Variants in ITIH1 observed in about 807,000 individuals in gnomAD.
The protein encoded by ITIH1 is inter-alpha-trypsin inhibitor heavy chain 1.
A neutral mutation model predicts 104.6 loss-of-function variants in ITIH1; 94 were observed. The ratio of observed to expected loss-of-function variants is 0.90; its 90% CI spans 0.76 to 1.07. The LOEUF (loss-of-function observed/expected upper bound fraction) is 1.07, where lower values mean the gene tolerates loss of function less well. Ranked by LOEUF, ITIH1 falls within the 50% of genes least tolerant of loss-of-function variation. The pLI is 0.00. For synonymous variants in ITIH1, 455 were observed against 464.4 expected (o/e 0.98, Z 0.26); for missense variants, 1,193 against 1,181.4 (o/e 1.01, Z -0.14).
chr3:52,785,310 A>G (rs535133429), intron 12 of ITIH1, 81 bp downstream of exon 12: 494 of 1,416,338 alleles, frequency 3.5e-4, no homozygotes, highest in Non-Finnish European at 4.6e-4. Flanking sequence ...CATTCCTGCC[A>G]TCCCCCAGAG....
chr3:52,778,391 T>A lies in ITIH1; in HGVS notation c.190T>A (p.Ser64Thr). The change falls in exon 3 of 22, where the codon TCT becomes ACT. Residue 64 changes from serine to threonine, a missense_variant. Coordinates refer to ENST00000273283, the MANE Select transcript of ITIH1 (RefSeq NM_002215.4). ...RSLKVNCKVT[S>T]RFAHYVVTSQ... is the part of the protein sequence containing the mutation. ...TTTGAAAGTCAACTGCAAAGTCACC[T>A]CTCGCTTCGCCCACTATGTTGTCAC... is the stretch of plus-strand genomic sequence containing the variant. 1 of 1,614,220 alleles carries A rather than the reference T, an allele frequency of 6.2e-7. No homozygotes were observed. The highest frequency in any genetic ancestry group is 8.5e-7 in the Non-Finnish European group (1 of 1,180,028).
In ITIH1 at chr3:52,788,243, C is replaced by A; in HGVS notation, c.2017C>A (p.Pro673Thr). The A allele has an allele frequency of 6.2e-7, 1 of 1,609,508 alleles. No homozygotes were observed. The highest frequency in any genetic ancestry group is 8.5e-7 in the Non-Finnish European group (1 of 1,177,278). The change falls in exon 18 of 22, where the codon CCT becomes ACT. Residue 673 changes from proline to threonine, a missense_variant. Physicochemically the swap from Pro to Thr is conservative, Grantham distance 38. Coordinates refer to ENST00000273283, the MANE Select transcript of ITIH1 (RefSeq NM_002215.4). ...TGCTGTGCCCCCAGTGGACACAGAC[C>A]CTCACTTCATCATCCACGTGCCCCA... The part of the protein sequence containing the change: ...PDRVTGVDTD[P>T]HFIIHVPQKE...
At chr3:52,790,463 C>T in intron 19 of ITIH1, 1 of 380,362 alleles carries the variant, frequency 2.6e-6, no homozygotes, top group Non-Finnish European at 4.8e-6. Flanking sequence ...GCTGTGCTAC[C>T]TTGGGCAAGT....
intron 6 of ITIH1, among the ~76,000 whole-genome samples, chr3:52,781,197 CT>C (rs10526848): frequency 0.048 from 3,341 of 69,104 alleles, 320 homozygotes; most frequent in East Asian, 0.16. Context: ...TCCTCCTCTT[CT>C]TTTTTTTTTT....
intron 8 of ITIH1, among the ~76,000 whole-genome samples, chr3:52,782,576 G>A (rs575500290): frequency 2.1e-5 from 2 of 97,202 alleles, no homozygotes; most frequent in South Asian, 2.8e-4. Context: ...CTACAATTAC[G>A]GTGGTCCGTG....
Position 52,791,870 on chromosome 3 carries a change from G to C in ITIH1, c.2695G>C (p.Asp899His). The change falls in exon 22 of 22, where the codon GAT becomes CAT. Residue 899 changes from aspartate (D) to histidine (H), a missense_variant. Transcript: ENST00000273283. ...FIHNNGAGLI[D>H]GAYTDYIVPD... ...TCACAACAATGGGGCTGGACTCATC[G>C]ATGGTGCCTACACTGATTATATCGT... 1 of 1,614,148 alleles carries C rather than the reference G, an allele frequency of 6.2e-7. No individual in the cohort carries two copies. Among genetic ancestry groups the C allele is most frequent in the Non-Finnish European group, 8.5e-7 (1 of 1,180,016 alleles).
chr3:52,780,457 C>T (rs559479554), intron 6 of ITIH1, 75 bp downstream of exon 6: 4 of 1,011,038 alleles, frequency 4.0e-6, no homozygotes, highest in South Asian at 2.9e-5. Flanking sequence ...ATGGAATGTC[C>T]AGCCTTAGCC....
At chr3:52,790,684 G>A in intron 19 of ITIH1, 65 bp from the exon 20 acceptor site, 1 of 1,536,104 alleles carries the variant, frequency 6.5e-7, no homozygotes, top group Non-Finnish European at 8.9e-7. Context: ...CAGATGACAA[G>A]GGCAGCTGAA....
intron 6 of ITIH1, among the ~76,000 whole-genome samples, chr3:52,781,141 A>G (rs1018581809): frequency 1.3e-5 from 2 of 150,580 alleles, no homozygotes; most frequent in Non-Finnish European, 3.0e-5. Flanking sequence ...TCAAGGTTCT[A>G]TTTTATCCTC....
At chr3:52,787,773 GA>G in intron 16 of ITIH1, 161 bp downstream of exon 16, 1 of 950,674 alleles carries the variant, frequency 1.1e-6, no homozygotes, top group Non-Finnish European at 1.7e-6. Context: ...GTCCCTGGGG[GA>G]GGAGACAGAG....
rs1258570013 is a variant in ITIH1 at position 52,791,865 on chromosome 3, T to G, written c.2690T>G (p.Leu897Arg). Residue 897 changes from leucine to arginine, a missense_variant, in exon 22 of 22, where the codon CTC (leucine) becomes CGC (arginine). Leu to Arg is a moderately radical substitution (Grantham distance 102, BLOSUM62 -2). Coordinates refer to ENST00000273283, the MANE Select transcript of ITIH1 (RefSeq NM_002215.4). ...TTCATTCACAACAATGGGGCTGGAC[T>G]CATCGATGGTGCCTACACTGATTAT... ...CWFIHNNGAG[L>R]IDGAYTDYIV... 2 of 1,614,116 alleles carry G rather than the reference T, an allele frequency of 1.2e-6. No homozygotes were observed. The highest frequency in any genetic ancestry group is 1.7e-6 in the Non-Finnish European group (2 of 1,179,972).
At chr3:52,783,462 T>C (rs1358349354) in intron 10 of ITIH1, 123 bp downstream of exon 10, 2 of 1,029,350 alleles carry the variant, frequency 1.9e-6, no homozygotes, top group Non-Finnish European at 2.9e-6. Flanking sequence ...CAGGGCAAAA[T>C]CAAGCACTGG....
chr3:52,788,095 C>A (rs1355975672), intron 17 of ITIH1, 29 bp downstream of exon 17: 2 of 1,572,960 alleles, frequency 1.3e-6, no homozygotes, highest in Non-Finnish European at 1.7e-6. Flanking sequence ...CTGAGGGACA[C>A]CCCTGTTTGG....
Position 52,778,456 on chromosome 3 carries a change from G to A in ITIH1, c.255G>A (p.Val85=), listed in dbSNP as rs758479605. 17 of 1,614,224 alleles carry A rather than the reference G, an allele frequency of 1.1e-5. 1 individual carries two copies. The South Asian group carries it at 1.9e-4, about 18-fold the overall frequency. Residue 85 remains valine (V), a synonymous_variant, in exon 3 of 22, where the codon GTG becomes GTA. Transcript: ENST00000273283. ...ACACTGCCAATGAAGCCAGGGAAGT[G>A]GCCTTCGACCTGGAAATCCCCAAGA... is the stretch of plus-strand genomic sequence containing the variant. ...VVNTANEARE[V]AFDLEIPKTA...
Position 52,783,261 on chromosome 3 carries a change from C to A in ITIH1, c.1147C>A (p.Gln383Lys). 6.2e-7 allele frequency: 1 copy of A among 1,614,130 alleles called. No homozygotes were observed. Among genetic ancestry groups the A allele is most frequent in the Non-Finnish European group, 8.5e-7 (1 of 1,180,018 alleles). ...GCTCCGGGGAATTGAGATCTTGAAC[C>A]AAGTTCAGGAAAGCCTCCCAGAACT... ...GLLRGIEILN[Q>K]VQESLPELSN... The change falls in exon 10 of 22, where the codon CAA becomes AAA. Residue 383 changes from glutamine (Q) to lysine (K), a missense_variant. Coordinates refer to ENST00000273283, the MANE Select transcript of ITIH1 (RefSeq NM_002215.4).
Position 52,785,148 on chromosome 3 carries a change from C to T in ITIH1, c.1512C>T (p.Tyr504=), listed in dbSNP as rs143317216. 25 of 1,614,022 alleles carry T rather than the reference C, an allele frequency of 1.5e-5. No homozygotes were observed. Among genetic ancestry groups the T allele is most frequent in the African/African-American group, 2.7e-5 (2 of 74,904 alleles). ...CCCAGAACCACCATAAACAGTACTA[C>T]GAAGGCTCAGAGATTGTGGTGGCCG... ...ALTQNHHKQY[Y]EGSEIVVAGR... The change falls in exon 12 of 22, where the codon TAC becomes TAT. Residue 504 remains tyrosine (Y), a synonymous_variant. Coordinates refer to ENST00000273283, the MANE Select transcript of ITIH1 (RefSeq NM_002215.4).
At position 52,781,197 on chromosome 3, in the gene ITIH1, C is replaced by CTTT. The variant is rs10526848; in HGVS notation, c.688-732_688-730dup. 1.4e-3 allele frequency among the ~76,000 whole-genome samples: 99 copies of CTTT among 69,270 alleles called. 8 individuals carry two copies. The highest frequency in any genetic ancestry group is 3.3e-3 in the African/African-American group (55 of 16,868). 45.4% of individuals were successfully genotyped at this position (69,270 alleles called of 152,430 possible). ...TCCTCCTCCTTCACCTCCTCCTCTT[C>CTTT]TTTTTTTTTTTTTCTTCTTCTTCTT... On this transcript the variant is annotated intron_variant, in intron 6 of 21. Coordinates refer to ENST00000273283, the MANE Select transcript of ITIH1 (RefSeq NM_002215.4).
At chr3:52,787,560 T>C (rs1227655533) in intron 15 of ITIH1, 32 bp from the exon 16 acceptor site, 2 of 1,613,998 alleles carry the variant, frequency 1.2e-6, no homozygotes, top group East Asian at 2.2e-5. Flanking sequence ...TGGGTGACAC[T>C]GTCTTCGATA....
rs140521543 is a variant in ITIH1, at chr3:52,790,896, G to A, written c.2469G>A (p.Met823Ile). The A allele has an allele frequency of 1.9e-6, 3 of 1,606,808 alleles. No individual in the cohort carries two copies. The highest frequency in any genetic ancestry group is 2.5e-6 in the Non-Finnish European group (3 of 1,177,484). Residue 823 changes from methionine to isoleucine, a missense_variant, in exon 20 of 22, where the codon ATG becomes ATA. Transcript: ENST00000273283. ...TCTATGTGCTGGACAGTCATCGGAT[G>A]TCAGCCCGGACGCACGGGCTGCTGG... Reference protein sequence around the residue: ...LGFYVLDSHRMSARTHGLLGQ... With the variant: ...LGFYVLDSHRISARTHGLLGQ...
Sources: allele counts gnomAD v4.1 joint callset (sites outside exome capture counted in the v4.1 genomes callset), GRCh38; gene constraint gnomAD v4.1.1; transcripts MANE v1.5; gene names NCBI Gene and HGNC (gene_info 2026-07-23, HGNC 2026-07-21).